The following RP1 variants were observed in gnomAD, a reference collection of about 807,000 sequenced individuals.
RP1 encodes the protein RP1 axonemal microtubule associated.
Under a neutral mutation model 14.8 loss-of-function variants are expected in RP1, and 16 were observed. The observed-to-expected ratio is 1.08, with a 90% confidence interval of 0.73 to 1.65. The LOEUF (loss-of-function observed/expected upper bound fraction) is 1.65, where lower values mean the gene tolerates loss of function less well. RP1 is among the 40% of genes most tolerant of loss of function. RP1 has a pLI of 0.00. For missense variants in RP1, 2,631 were observed against 2,535.0 expected, an observed-to-expected ratio of 1.04 and a Z score of -0.81; for synonymous variants, 876 against 883.6, an observed-to-expected ratio of 0.99 and a Z score of 0.15.
intron 7 of RP1, among the ~76,000 whole-genome samples, chr8:54,670,689 A>G (rs1468193813): frequency 2.2e-5 from 3 of 137,862 alleles, no homozygotes; most frequent in Admixed American, 7.5e-5. Context: ...ATATATATAT[A>G]TATATATATA....
Position 54,629,315 on chromosome 8 carries a change from C to T in RP1, c.5433C>T (p.Pro1811=). 2 of 1,613,844 alleles carry T rather than the reference C, an allele frequency of 1.2e-6. No individual in the cohort carries two copies. Among genetic ancestry groups the T allele is most frequent in the Non-Finnish European group, 1.7e-6 (2 of 1,179,884 alleles). Residue 1811 remains proline (P), a synonymous_variant, in exon 4 of 4, where the codon CCC becomes CCT. Transcript: ENST00000220676. ...CAGAACTCGAGGAACTGACTCAACC[C>T]CTTGAACTAAAATGCAATTACTTTA... ...SSSELEELTQ[P]LELKCNYFNM...
intron 23 of RP1, chr8:54,781,011 T>C: frequency 2.0e-6 from 2 of 981,912 alleles, no homozygotes; most frequent in Non-Finnish European, 2.4e-6. Context: ...TTGGAGATCA[T>C]AGAGTATATC....
chr8:54,642,427 A>T (rs1806470210), intron 3 of RP1, among the ~76,000 whole-genome samples: 1 of 152,142 alleles, frequency 6.6e-6, no homozygotes, highest in Non-Finnish European at 1.5e-5. Flanking sequence ...TCTAAACTTT[A>T]TTTATAAAGG....
At chr8:54,688,223 G>T (rs2129338338) in intron 12 of RP1, among the ~76,000 whole-genome samples, 1 of 152,084 alleles carries the variant, frequency 6.6e-6, no homozygotes, top group South Asian at 2.1e-4. Context: ...ACTTTTGTTA[G>T]ATGGGTAGAT....
At chr8:54,561,192 A>G (rs1041285678) in intron 1 of RP1, among the ~76,000 whole-genome samples, 13 of 152,170 alleles carry the variant, frequency 8.5e-5, no homozygotes, top group African/African-American at 3.1e-4. Flanking sequence ...CTACTATTAG[A>G]GCTTCTTAAC....
intron 1 of RP1, among the ~76,000 whole-genome samples, chr8:54,581,413 C>T (rs1217762107): frequency 1.3e-5 from 2 of 152,168 alleles, no homozygotes; most frequent in African/African-American, 4.8e-5. Flanking sequence ...CCTTGTTGGA[C>T]ATTTGGGTTG....
intron 24 of RP1, among the ~76,000 whole-genome samples, chr8:54,828,492 G>C (rs1195449937): frequency 6.6e-6 from 1 of 151,962 alleles, no homozygotes; most frequent in Admixed American, 6.6e-5. Flanking sequence ...ATCTCGGCAG[G>C]GCTCCTCTTT....
At chr8:54,722,154 C>T (rs1414132523) in intron 16 of RP1, among the ~76,000 whole-genome samples, 1 of 151,536 alleles carries the variant, frequency 6.6e-6, no homozygotes, top group East Asian at 1.9e-4. Context: ...ATCACTTGAA[C>T]CTGTGAGGCG....
chr8:54,621,089 C>T lies in RP1; in HGVS notation c.123C>T (p.Tyr41=), dbSNP rs1206219492. 1 of 1,614,056 alleles carries T rather than the reference C, an allele frequency of 6.2e-7. No individual in the cohort carries two copies. Among genetic ancestry groups the T allele is most frequent in the Non-Finnish European group, 8.5e-7 (1 of 1,180,032 alleles). Residue 41 remains tyrosine, a synonymous_variant, in exon 2 of 4, where the codon TAC becomes TAT. Transcript: ENST00000220676. ...TTGTGGCCAAGCGAATCAGTTTCTA[C>T]AAGAGCGGAGACCCCCAATTCGGCG... The part of the protein sequence containing the change: ...HPVVAKRISF[Y]KSGDPQFGGV...
At chr8:54,670,998 G>A (rs1196802983) in intron 7 of RP1, among the ~76,000 whole-genome samples, 2 of 151,806 alleles carry the variant, frequency 1.3e-5, no homozygotes, top group African/African-American at 4.8e-5. Flanking sequence ...CAACTTGAAG[G>A]ACTTCCTTAG....
At chr8:54,845,165 G>T (rs1424590635) in intron 25 of RP1, among the ~76,000 whole-genome samples, 7 of 152,224 alleles carry the variant, frequency 4.6e-5, no homozygotes, top group Admixed American at 6.5e-5. Context: ...AACAAAGTTA[G>T]GAAGGAGGAG....
downstream of RP1, among the ~76,000 whole-genome samples, chr8:54,774,266 G>A (rs1369697287): frequency 6.6e-6 from 1 of 152,184 alleles, no homozygotes; most frequent in Non-Finnish European, 1.5e-5. Flanking sequence ...GCACCGGGGA[G>A]CCTGGGCAGG....
At chr8:54,588,641 G>A (rs188923233) in intron 1 of RP1, among the ~76,000 whole-genome samples, 42 of 152,162 alleles carry the variant, frequency 2.8e-4, no homozygotes, top group African/African-American at 8.0e-4. Flanking sequence ...GCCTGAAGGC[G>A]CAGGCATAGG....
rs775196828 is a variant in RP1 at position 54,630,383 on chromosome 8, A to G, written c.*30A>G. The stretch of plus-strand genomic sequence containing the variant: ...AATATCAGCACACTCATTCTTTGTC[A>G]ATTCATTTTTTCCCATGAGATGAAG... On this transcript the variant is annotated 3_prime_UTR_variant, in exon 4 of 4. Coordinates refer to ENST00000220676, the MANE Select transcript of RP1 (RefSeq NM_006269.2). The G allele has an allele frequency of 5.6e-6, 9 of 1,611,664 alleles. No individual in the cohort carries two copies. The African/African-American group carries it at 8.0e-5, about 14-fold the overall frequency.
At chr8:54,840,161 T>A (rs1811757275) in intron 25 of RP1, among the ~76,000 whole-genome samples, 1 of 152,194 alleles carries the variant, frequency 6.6e-6, no homozygotes, top group South Asian at 2.1e-4. Flanking sequence ...TTTAAAAAAA[T>A]ATTGAAATCC....
chr8:54,804,630 A>C (rs1436506060), intron 24 of RP1, among the ~76,000 whole-genome samples: 1 of 152,140 alleles, frequency 6.6e-6, no homozygotes, highest in East Asian at 1.9e-4. Flanking sequence ...CAACAAAAAA[A>C]CATTAAAACC....
rs375384780 is a variant in RP1, at chr8:54,713,727, G to T, written c.2212-6402G>T. On this transcript the variant is annotated intron_variant, in intron 15 of 22. Coordinates refer to the RP1 transcript ENST00000636932. ...AGTGGGTTGGAAAGTATAAAATTCA[G>T]TGAAAGTCTTAGTTTTATGTAAAAA... Among the ~76,000 whole-genome samples, 49 of 152,294 alleles carry T rather than the reference G, an allele frequency of 3.2e-4. No homozygotes were observed. The East Asian group carries it at 9.1e-3, about 28-fold the overall frequency.
chr8:54,673,972 C>A, intron 8 of RP1: 1 of 1,406,744 alleles, frequency 7.1e-7, no homozygotes, highest in South Asian at 1.2e-5. Context: ...TGATTCCATT[C>A]TGTTTATATG....
chr8:54,746,310 A>G (rs1809223179), intron 19 of RP1, among the ~76,000 whole-genome samples: 1 of 152,154 alleles, frequency 6.6e-6, no homozygotes. Flanking sequence ...ATACTCTGGT[A>G]CTTTGGGGCT....
Sources: allele counts gnomAD v4.1 joint callset (sites outside exome capture counted in the v4.1 genomes callset), GRCh38; gene constraint gnomAD v4.1.1; transcripts MANE v1.5; gene names NCBI Gene and HGNC (gene_info 2026-07-23, HGNC 2026-07-21).